The following CNTNAP2 variants were observed in gnomAD, a reference collection of about 807,000 sequenced individuals.
CNTNAP2 encodes contactin associated protein 2, also known as contactin-associated protein-like 2.
A neutral mutation model predicts 155.2 loss-of-function variants in CNTNAP2; 98 were observed. The ratio of observed to expected loss-of-function variants is 0.63; its 90% CI spans 0.54 to 0.75. The LOEUF is 0.75. CNTNAP2 is among the 30% of genes least tolerant of loss of function. The pLI, the probability that CNTNAP2 is intolerant of heterozygous loss-of-function variation, is 0.00. For missense variants in CNTNAP2, 1,727 were observed against 1,688.1 expected (o/e 1.02, Z -0.40); for synonymous variants, 651 against 631.2 (o/e 1.03, Z -0.47).
intron 20 of CNTNAP2, among the ~76,000 whole-genome samples, chr7:148,254,585 G>A (rs2116821619): frequency 1.3e-5 from 2 of 152,078 alleles, no homozygotes; most frequent in Middle Eastern, 6.8e-3. Flanking sequence ...GACCATCCTG[G>A]CTAACACGGT....
At chr7:147,348,277 G>A (rs1325176859) in intron 9 of CNTNAP2, among the ~76,000 whole-genome samples, 1 of 151,438 alleles carries the variant, frequency 6.6e-6, no homozygotes, top group Non-Finnish European at 1.5e-5. Flanking sequence ...TTAATATCCA[G>A]AATATACAAG....
At chr7:147,598,624 G>A (rs189029089) in intron 12 of CNTNAP2, among the ~76,000 whole-genome samples, 1 of 152,214 alleles carries the variant, frequency 6.6e-6, no homozygotes, top group Admixed American at 6.5e-5. Flanking sequence ...CAGTGCATAA[G>A]CCCTACACTG....
chr7:146,749,836 C>G (rs747688475), intron 1 of CNTNAP2, among the ~76,000 whole-genome samples: 1 of 152,202 alleles, frequency 6.6e-6, no homozygotes, highest in East Asian at 1.9e-4. Flanking sequence ...TCTCCTACCA[C>G]TGGCAGAAGA....
At chr7:148,215,488 C>T (rs1488318362) in intron 18 of CNTNAP2, among the ~76,000 whole-genome samples, 1 of 148,452 alleles carries the variant, frequency 6.7e-6, no homozygotes. Context: ...TCATGGCCTT[C>T]CCCAGCTCCA....
intron 21 of CNTNAP2, among the ~76,000 whole-genome samples, chr7:148,298,571 C>T (rs1255675893): frequency 6.6e-6 from 1 of 152,130 alleles, no homozygotes; most frequent in Non-Finnish European, 1.5e-5. Flanking sequence ...TGCTAATTTC[C>T]TTTGGCAACA....
At chr7:147,745,924 G>A (rs1005085235) in intron 13 of CNTNAP2, among the ~76,000 whole-genome samples, 1 of 152,206 alleles carries the variant, frequency 6.6e-6, no homozygotes, top group African/African-American at 2.4e-5. Context: ...AGCTAGAGAT[G>A]TGTAGATAAG....
chr7:148,069,552 G>A (rs1172006078), intron 15 of CNTNAP2, among the ~76,000 whole-genome samples: 3 of 152,076 alleles, frequency 2.0e-5, no homozygotes, highest in Non-Finnish European at 4.4e-5. Context: ...CACGAGGTCA[G>A]GAGATTGAGA....
chr7:146,286,844 G>A (rs1800344936), intron 1 of CNTNAP2, among the ~76,000 whole-genome samples: 1 of 152,120 alleles, frequency 6.6e-6, no homozygotes, highest in African/African-American at 2.4e-5. Flanking sequence ...AGTGGCTCAG[G>A]CCTGTAATAC....
At chr7:147,402,334 A>T (rs899133511) in intron 10 of CNTNAP2, among the ~76,000 whole-genome samples, 4 of 152,164 alleles carry the variant, frequency 2.6e-5, no homozygotes, top group African/African-American at 9.6e-5. Flanking sequence ...GAGAGTCCCC[A>T]GCCTGGTCGG....
At chr7:147,788,875 T>C (rs1404474517) in intron 13 of CNTNAP2, among the ~76,000 whole-genome samples, 1 of 150,584 alleles carries the variant, frequency 6.6e-6, no homozygotes, top group Non-Finnish European at 1.5e-5. Context: ...AATCATCCAG[T>C]AGGATATACT....
intron 8 of CNTNAP2, among the ~76,000 whole-genome samples, chr7:147,194,083 C>T (rs1483957280): frequency 6.7e-6 from 1 of 149,482 alleles, no homozygotes; most frequent in Non-Finnish European, 1.5e-5. Flanking sequence ...CATCCCCTGA[C>T]CCCCCACCCC....
rs899664772 is a variant in CNTNAP2, at chr7:147,535,118, C to T, written c.1778-27020C>T. 1.7e-4 allele frequency among the ~76,000 whole-genome samples: 26 copies of T among 152,234 alleles called. No individual in the cohort carries two copies. The East Asian group carries it at 2.9e-3, about 17-fold the overall frequency. On this transcript the variant is annotated intron_variant, in intron 11 of 23. Coordinates refer to ENST00000361727, the MANE Select transcript of CNTNAP2 (RefSeq NM_014141.6). ...ATAACAATAGGTGGCCAAGGCCGGG[C>T]GCGGTGGTTCATGCCTATAATCCCA...
chr7:148,152,978 G>A (rs1416704548), intron 17 of CNTNAP2, among the ~76,000 whole-genome samples: 3 of 121,666 alleles, frequency 2.5e-5, no homozygotes, highest in East Asian at 2.6e-4. Context: ...CCGAGATCGC[G>A]CCACTGCACT....
Position 146,777,163 on chromosome 7 carries a change from T to G in CNTNAP2, c.208+2782T>G, listed in dbSNP as rs561423574. Among the ~76,000 whole-genome samples, 92 of 152,322 alleles carry G rather than the reference T, an allele frequency of 6.0e-4. No individual in the cohort carries two copies. The South Asian group carries it at 0.012, about 20-fold the overall frequency. On this transcript the variant is annotated intron_variant, in intron 2 of 23. Transcript: ENST00000361727. ...ATTGTCATACATTAGGGTGAAATTA[T>G]CACGTTGGGAAAGAAAGTGTTGTCT...
chr7:148,059,385 A>G (rs998476261), intron 15 of CNTNAP2, among the ~76,000 whole-genome samples: 1 of 152,104 alleles, frequency 6.6e-6, no homozygotes, highest in African/African-American at 2.4e-5. Flanking sequence ...TGAGGTCAGG[A>G]GTTCGAGACC....
chr7:147,628,868 TAAAAA>T (rs60644349), intron 12 of CNTNAP2, among the ~76,000 whole-genome samples: 13 of 117,200 alleles, frequency 1.1e-4, no homozygotes, highest in Admixed American at 3.4e-4. Flanking sequence ...CAACAGCAGT[TAAAAA>T]AAAAAAAAAA....
At chr7:147,707,221 A>T (rs1796329275) in intron 13 of CNTNAP2, among the ~76,000 whole-genome samples, 1 of 152,074 alleles carries the variant, frequency 6.6e-6, no homozygotes, top group Non-Finnish European at 1.5e-5. Flanking sequence ...ATTGACATCT[A>T]TGTATCTGGT....
chr7:148,024,364 T>G (rs928080796), intron 15 of CNTNAP2, among the ~76,000 whole-genome samples: 9 of 152,020 alleles, frequency 5.9e-5, no homozygotes, highest in African/African-American at 2.2e-4. Flanking sequence ...CTAGCCACAG[T>G]GAAAGAAAAC....
chr7:146,375,238 G>T (rs948607872), intron 1 of CNTNAP2, among the ~76,000 whole-genome samples: 3 of 152,078 alleles, frequency 2.0e-5, no homozygotes, highest in Non-Finnish European at 2.9e-5. Flanking sequence ...TACTTTCCTG[G>T]TTGAAAAGAA....
Sources: gnomAD v4.1 joint callset for allele counts (sites outside exome capture counted in the v4.1 genomes callset) on GRCh38, gnomAD v4.1.1 for gene constraint, MANE v1.5 for transcripts, NCBI Gene and HGNC (gene_info 2026-07-23, HGNC 2026-07-21) for gene names.